The following SLC13A4 variants were observed in gnomAD, a reference collection of about 807,000 sequenced individuals.
SLC13A4 encodes Na(+)/sulfate cotransporter SUT-1.
In SLC13A4, 28 loss-of-function variants were observed where a neutral mutation model predicts 72.7. That is an observed-to-expected ratio of 0.39 (90% CI 0.29 to 0.53). The LOEUF (loss-of-function observed/expected upper bound fraction) is 0.53. SLC13A4 is among the 20% of genes least tolerant of loss of function. The probability of loss-of-function intolerance (pLI) is 0.78; values close to 1 mark genes in which losing one functional copy is unlikely to be tolerated. For synonymous variants in SLC13A4, 312 were observed against 325.5 expected (o/e 0.96, Z 0.45); for missense variants, 653 against 788.0 (o/e 0.83, Z 2.05).
At chr7:135,692,462 G>A in intron 10 of SLC13A4, 38 bp from the exon 11 acceptor site, 6 of 1,464,052 alleles carry the variant, frequency 4.1e-6, no homozygotes, top group Non-Finnish European at 4.7e-6. Flanking sequence ...CAGGAACTGA[G>A]AAATTTCTCC....
chr7:135,694,285 G>A (rs756548768), intron 9 of SLC13A4, 47 bp from the exon 10 acceptor site: 2 of 1,176,090 alleles, frequency 1.7e-6, no homozygotes, highest in Admixed American at 3.6e-5. Context: ...ACACTTCTGA[G>A]GCCCAGAGAT....
chr7:135,712,752 A>G (rs1796331258), intron 2 of SLC13A4, among the ~76,000 whole-genome samples: 1 of 152,168 alleles, frequency 6.6e-6, no homozygotes, highest in Non-Finnish European at 1.5e-5. Context: ...TTTCTAGCCC[A>G]TTGATTTTTC....
At chr7:135,681,948 A>G (rs1267167415) in intron 15 of SLC13A4, among the ~76,000 whole-genome samples, 1 of 152,186 alleles carries the variant, frequency 6.6e-6, no homozygotes, top group African/African-American at 2.4e-5. Context: ...CCTAGAAGGT[A>G]TGTTAGTTAC....
At chr7:135,689,898 A>G (rs1326004234) in intron 13 of SLC13A4, among the ~76,000 whole-genome samples, 1 of 151,842 alleles carries the variant, frequency 6.6e-6, no homozygotes, top group Non-Finnish European at 1.5e-5. Flanking sequence ...AAGTGAACCA[A>G]GCCGGGCACA....
At chr7:135,700,062 C>G (rs922845211) in intron 7 of SLC13A4, among the ~76,000 whole-genome samples, 1 of 152,106 alleles carries the variant, frequency 6.6e-6, no homozygotes, top group Admixed American at 6.5e-5. Context: ...TCCATCAAAC[C>G]CTGATGGAGA....
chr7:135,725,453 A>G (rs1796635587), intron 1 of SLC13A4, among the ~76,000 whole-genome samples: 1 of 152,186 alleles, frequency 6.6e-6, no homozygotes. Context: ...CTCTTCTTCT[A>G]TAACATGATA....
chr7:135,713,996 TA>T (rs1485907089), intron 2 of SLC13A4, among the ~76,000 whole-genome samples: 1 of 152,186 alleles, frequency 6.6e-6, no homozygotes, highest in East Asian at 1.9e-4. Flanking sequence ...CCATTCCAGT[TA>T]GTGTCCAAGC....
chr7:135,706,234 G>A lies in SLC13A4; in HGVS notation c.432C>T (p.Thr144=), dbSNP rs142086347. 1.6e-4 allele frequency: 257 copies of A among 1,613,936 alleles called. 1 individual carries two copies. The highest frequency in any genetic ancestry group is 4.7e-4 in the African/African-American group (35 of 75,058). ...CCTCCACGATGGGCATCACCATGGC[G>A]GTGGTGGAGGTGTTGGACAGCCACA... ...LSMWLSNTST[T]AMVMPIVEAV... The change falls in exon 4 of 16, where the codon ACC becomes ACT. Residue 144 remains threonine, a synonymous_variant. Transcript: ENST00000682651.
At chr7:135,708,045 C>G (rs1796208171) in intron 3 of SLC13A4, 69 bp downstream of exon 3, 1 of 1,569,550 alleles carries the variant, frequency 6.4e-7, no homozygotes, top group Non-Finnish European at 8.7e-7. Context: ...TGACCTGAGA[C>G]CACTGTCCTG....
At chr7:135,717,155 C>T (rs960514248) in intron 2 of SLC13A4, among the ~76,000 whole-genome samples, 6 of 152,134 alleles carry the variant, frequency 3.9e-5, no homozygotes, top group Non-Finnish European at 8.8e-5. Flanking sequence ...TAATCTGATG[C>T]CAACATGCTA....
intron 3 of SLC13A4, among the ~76,000 whole-genome samples, chr7:135,706,920 C>A (rs967806794): frequency 4.6e-5 from 7 of 152,204 alleles, no homozygotes; most frequent in Non-Finnish European, 1.0e-4. Flanking sequence ...ACAAGGTTAA[C>A]CCTCTAATTA....
chr7:135,719,617 G>A (rs1252085370), intron 2 of SLC13A4, among the ~76,000 whole-genome samples: 16 of 151,984 alleles, frequency 1.1e-4, no homozygotes, highest in Non-Finnish European at 2.4e-4. Flanking sequence ...AAAGAAGAGG[G>A]GGCAATTAGA....
At chr7:135,719,634 G>A (rs1369185438) in intron 2 of SLC13A4, among the ~76,000 whole-genome samples, 1 of 152,092 alleles carries the variant, frequency 6.6e-6, no homozygotes. Flanking sequence ...TAGAACAACT[G>A]CCTGGTGATT....
At chr7:135,682,112 C>A (rs1795516768) in intron 15 of SLC13A4, among the ~76,000 whole-genome samples, 1 of 152,230 alleles carries the variant, frequency 6.6e-6, no homozygotes, top group Admixed American at 6.5e-5. Context: ...GGCTATATTA[C>A]ATGAAGCCTT....
intron 2 of SLC13A4, among the ~76,000 whole-genome samples, 176 bp from the exon 3 acceptor site, chr7:135,708,426 C>G (rs1037159238): frequency 3.9e-5 from 6 of 152,204 alleles, no homozygotes; most frequent in Non-Finnish European, 8.8e-5. Context: ...GTCACATCTA[C>G]TGAGCGTTCA....
chr7:135,704,073 GAGCAAAGGCAAGAAGCC>G (rs1796104590), intron 5 of SLC13A4: 1 of 152,326 alleles, frequency 6.6e-6, no homozygotes, highest in Admixed American at 6.5e-5. Flanking sequence ...GTGTGGAAAA[GAGCAAAGGCAAGAAGCC>G]AGTAGGGTGA....
chr7:135,691,936 A>G, intron 11 of SLC13A4: 1 of 424,104 alleles, frequency 2.4e-6, no homozygotes, highest in Non-Finnish European at 4.2e-6. Flanking sequence ...TTGGTTAGAT[A>G]AAGGAGAATA....
chr7:135,720,904 A>T (rs750693888), intron 2 of SLC13A4, among the ~76,000 whole-genome samples: 5 of 152,144 alleles, frequency 3.3e-5, no homozygotes, highest in Non-Finnish European at 7.4e-5. Flanking sequence ...TGTTTTTTGG[A>T]GGCGTGGATG....
At chr7:135,687,367 T>G (rs1372232787) in intron 13 of SLC13A4, among the ~76,000 whole-genome samples, 1 of 152,126 alleles carries the variant, frequency 6.6e-6, no homozygotes, top group Non-Finnish European at 1.5e-5. Flanking sequence ...CTGCTACACA[T>G]GTTTTACTAT....
Sources: allele counts gnomAD v4.1 joint callset (sites outside exome capture counted in the v4.1 genomes callset), GRCh38; gene constraint gnomAD v4.1.1; transcripts MANE v1.5; gene names NCBI Gene and HGNC (gene_info 2026-07-23, HGNC 2026-07-21).